The following DDX42 variants were observed in gnomAD, a reference collection of about 807,000 sequenced individuals.
DDX42 encodes DEAD-box helicase 42.
A neutral mutation model predicts 101.5 loss-of-function variants in DDX42; 22 were observed. The ratio of observed to expected loss-of-function variants is 0.22; its 90% CI spans 0.15 to 0.31. DDX42 has a LOEUF of 0.31. Among genes scored for constraint, DDX42 ranks in the 10% least tolerant of loss-of-function variants. DDX42 has a pLI of 1.00. For synonymous variants in DDX42, 402 were observed against 401.2 expected, an observed-to-expected ratio of 1.00 and a Z score of -0.02; for missense variants, 849 against 1,199.9, an observed-to-expected ratio of 0.71 and a Z score of 4.32.
Position 63,813,304 on chromosome 17 carries a change from T to C in DDX42, c.1752T>C (p.His584=). The C allele has an allele frequency of 1.2e-6, 2 of 1,614,152 alleles. No individual in the cohort carries two copies. Among genetic ancestry groups the C allele is most frequent in the Non-Finnish European group, 1.7e-6 (2 of 1,179,986 alleles). ...CACGAGACATTGATACCCACACGCA[T>C]AGGATTGGCCGCACAGGAAGAGCGG... ...DVARDIDTHT[H]RIGRTGRAGE... Residue 584 remains histidine, a synonymous_variant, in exon 15 of 18, where the codon CAT becomes CAC. Coordinates refer to ENST00000389924, the MANE Select transcript of DDX42 (RefSeq NM_203499.3).
rs558165093 is a variant in DDX42, at chr17:63,787,145, A to G, written c.96A>G (p.Pro32=). 4.5e-5 allele frequency: 73 copies of G among 1,614,228 alleles called. 2 individuals are homozygous for G. The South Asian group carries it at 6.3e-4, about 14-fold the overall frequency. Residue 32 remains proline, a synonymous_variant, in exon 2 of 18, where the codon CCA becomes CCG. Coordinates refer to ENST00000389924, the MANE Select transcript of DDX42 (RefSeq NM_203499.3). ...SAGKKEEPKL[P]QQSHSAFGAT... is the part of the protein sequence containing the mutation. ...GGAAAAAGGAGGAACCCAAACTCCCACAGCAGTCCCACAGTGCCTTTGGGG... is the reference window on the plus strand; with the variant it reads ...GGAAAAAGGAGGAACCCAAACTCCCGCAGCAGTCCCACAGTGCCTTTGGGG...
intron 6 of DDX42, 150 bp downstream of exon 6, chr17:63,800,767 A>G (rs908377231): frequency 4.6e-6 from 4 of 875,534 alleles, no homozygotes; most frequent in African/African-American, 3.4e-5. Context: ...CACAAATTCC[A>G]TGAGGCTTTA....
intron 1 of DDX42, among the ~76,000 whole-genome samples, chr17:63,783,060 A>T (rs560432593): frequency 6.6e-6 from 1 of 152,192 alleles, no homozygotes; most frequent in South Asian, 2.1e-4. Context: ...ATGCCTCTTG[A>T]GGTTTCAAAA....
chr17:63,810,675 CATA>C (rs2039899261), intron 12 of DDX42, 115 bp downstream of exon 12: 1 of 1,015,926 alleles, frequency 9.8e-7, no homozygotes, highest in Non-Finnish European at 1.5e-6. Context: ...TGGTGAGAAC[CATA>C]ATAAGGGAGG....
rs1555571610 is a variant in DDX42, at chr17:63,787,922, T to TG, written c.221+654dup. ...TTCATGTGGTTTTTTTTTTTTTTTT[T>TG]GGAGGCAGAGTTTTGCTCGTCACCC... On this transcript the variant is annotated intron_variant, in intron 2 of 17. Coordinates refer to ENST00000389924, the MANE Select transcript of DDX42 (RefSeq NM_203499.3). Among the ~76,000 whole-genome samples the TG allele has an allele frequency of 1.8e-3, 257 of 144,094 alleles. 1 individual carries two copies. The highest frequency in any genetic ancestry group is 4.9e-3 in the African/African-American group (189 of 38,422). 94.5% of individuals were successfully genotyped at this position (144,094 alleles called of 152,430 possible). A position where few individuals can be genotyped will look rare whatever the true frequency, so the allele number is the denominator to read the frequency against.
rs771266249 is a variant in DDX42 at position 63,807,187 on chromosome 17, C to T, written c.846+533C>T. Among the ~76,000 whole-genome samples the T allele has an allele frequency of 2.2e-4, 34 of 152,290 alleles. 1 individual carries two copies. The highest frequency in any genetic ancestry group is 1.0e-3 in the Admixed American group (16 of 15,284). On this transcript the variant is annotated intron_variant, in intron 8 of 17. Coordinates refer to ENST00000389924, the MANE Select transcript of DDX42 (RefSeq NM_203499.3). ...ACAGAGTCTCACTCTGTTGTCCAAG[C>T]TGGAGTGCAGTGGCGCGATCTTGGC...
chr17:63,786,498 C>T (rs1259150480), intron 1 of DDX42, among the ~76,000 whole-genome samples: 1 of 152,182 alleles, frequency 6.6e-6, no homozygotes. Flanking sequence ...GATCATAGCT[C>T]AGTGTAATCT....
In DDX42 at chr17:63,808,314, C is replaced by T. The variant is rs113253779; in HGVS notation, c.1023+414C>T. Among the ~76,000 whole-genome samples, 84 of 152,268 alleles carry T rather than the reference C, an allele frequency of 5.5e-4. 1 individual carries two copies. Among genetic ancestry groups the T allele is most frequent in the Middle Eastern group, 3.4e-3 (1 of 294 alleles). On this transcript the variant is annotated intron_variant, in intron 9 of 17. Transcript: ENST00000389924. The stretch of plus-strand genomic sequence containing the variant: ...TGCCTCAGCCGAGAGGCTGGGATCA[C>T]GGGCACACGCCACCACACCTGGCTA...
chr17:63,801,936 A>C (rs2039775478), intron 6 of DDX42, among the ~76,000 whole-genome samples: 1 of 152,218 alleles, frequency 6.6e-6, no homozygotes, highest in Non-Finnish European at 1.5e-5. Flanking sequence ...GAGATCTCAC[A>C]TACACTAATG....
chr17:63,780,151 C>T (rs527992594), intron 1 of DDX42, among the ~76,000 whole-genome samples: 4 of 152,244 alleles, frequency 2.6e-5, no homozygotes, highest in Admixed American at 2.0e-4. Flanking sequence ...ACAAAATTAG[C>T]CAGGCGTGGT....
At chr17:63,798,663 G>A (rs2727333) in intron 4 of DDX42, among the ~76,000 whole-genome samples, 105,375 of 151,714 alleles carry the variant, frequency 0.69, 37,850 homozygotes, top group African/African-American at 0.9. Context: ...GTGACATTGT[G>A]CTGTAGCAGC....
rs1212732722 is a variant in DDX42 at position 63,817,999 on chromosome 17, A to G, written c.2418A>G (p.Lys806=). Residue 806 remains lysine (K), a synonymous_variant, in exon 18 of 18, where the codon AAA becomes AAG. Transcript: ENST00000389924. Reference sequence around the variant, plus strand: ...AAGGGACTGGGGGCAGCAACGGGAAAAGAGAGAGATATACTGAGAACCGGG... The same window carrying G: ...AAGGGACTGGGGGCAGCAACGGGAAGAGAGAGAGATATACTGAGAACCGGG... ...SREGTGGSNG[K]RERYTENRGS... 6 of 1,614,136 alleles carry G rather than the reference A, an allele frequency of 3.7e-6. No individual in the cohort carries two copies. The highest frequency in any genetic ancestry group is 3.3e-5 in the South Asian group (3 of 91,078).
intron 4 of DDX42, among the ~76,000 whole-genome samples, chr17:63,798,732 G>A (rs2039724225): frequency 6.6e-6 from 1 of 152,178 alleles, no homozygotes; most frequent in Admixed American, 6.5e-5. Flanking sequence ...TTGCCTTGAT[G>A]AATAAACTCC....
intron 11 of DDX42, 129 bp downstream of exon 11, chr17:63,809,788 A>C: frequency 1.5e-6 from 1 of 656,588 alleles, no homozygotes. Context: ...AGACTATAGA[A>C]ATATAGCTAA....
chr17:63,779,374 C>T (rs2039459151), intron 1 of DDX42, among the ~76,000 whole-genome samples: 1 of 152,128 alleles, frequency 6.6e-6, no homozygotes, highest in Non-Finnish European at 1.5e-5. Context: ...GGCCATCCTC[C>T]CACCTCAACC....
chr17:63,800,732 T>A (rs532079933), intron 6 of DDX42, 115 bp downstream of exon 6: 12 of 1,315,692 alleles, frequency 9.1e-6, no homozygotes, highest in Admixed American at 2.2e-5. Flanking sequence ...GTATGCATCT[T>A]GTCATCTCTA....
intron 1 of DDX42, among the ~76,000 whole-genome samples, chr17:63,786,255 A>G (rs952206855): frequency 6.6e-6 from 1 of 152,144 alleles, no homozygotes; most frequent in African/African-American, 2.4e-5. Context: ...TGTTTTTTTA[A>G]GAGACAGGAT....
chr17:63,811,757 A>G, intron 13 of DDX42, 175 bp from the exon 14 acceptor site: 1 of 746,384 alleles, frequency 1.3e-6, no homozygotes, highest in Non-Finnish European at 2.3e-6. Context: ...GTGGAGAGCA[A>G]GGTGATTGGA....
chr17:63,811,961 G>A lies in DDX42; in HGVS notation c.1428G>A (p.Glu476=). 1.2e-6 allele frequency: 2 copies of A among 1,614,246 alleles called. No individual in the cohort carries two copies. The highest frequency in any genetic ancestry group is 1.7e-6 in the Non-Finnish European group (2 of 1,180,056). The stretch of plus-strand genomic sequence containing the variant: ...ATGAAGATGTGACACAGATTGTGGA[G>A]ATTCTCCATTCTGGACCTAGTAAAT... ...EANEDVTQIV[E]ILHSGPSKWN... The change falls in exon 14 of 18, where the codon GAG becomes GAA. Residue 476 remains glutamate (E), a synonymous_variant. Transcript: ENST00000389924.
Sources: allele counts gnomAD v4.1 joint callset (sites outside exome capture counted in the v4.1 genomes callset), GRCh38; gene constraint gnomAD v4.1.1; transcripts MANE v1.5; gene names NCBI Gene and HGNC (gene_info 2026-07-23, HGNC 2026-07-21).